The following CSMD1 variants were observed in gnomAD, a reference collection of about 807,000 sequenced individuals.
CSMD1 encodes the protein CUB and sushi domain-containing protein 1.
A neutral mutation model predicts 417.5 loss-of-function variants in CSMD1; 213 were observed. The ratio of observed to expected loss-of-function variants is 0.51; its 90% CI spans 0.46 to 0.57. The LOEUF (loss-of-function observed/expected upper bound fraction) is 0.57, where lower values mean the gene tolerates loss of function less well. CSMD1 is among the 20% of genes least tolerant of loss of function. The pLI is 0.00. For missense variants in CSMD1, 6,923 were observed against 4,529.7 expected (o/e 1.53, Z -15.17); for synonymous variants, 2,862 against 1,736.8 (o/e 1.65, Z -16.11).
intron 3 of CSMD1, among the ~76,000 whole-genome samples, chr8:4,271,262 A>T (rs750358750): frequency 6.6e-6 from 1 of 152,192 alleles, no homozygotes; most frequent in Non-Finnish European, 1.5e-5. Context: ...CAGGACCATG[A>T]AGCTGTAGGG....
chr8:3,456,645 C>A (rs1816161857), intron 12 of CSMD1, among the ~76,000 whole-genome samples: 1 of 152,138 alleles, frequency 6.6e-6, no homozygotes, highest in African/African-American at 2.4e-5. Flanking sequence ...GGACGTGTTT[C>A]AGTATCAGAG....
chr8:3,385,900 CAT>C (rs1810975222), intron 18 of CSMD1, among the ~76,000 whole-genome samples: 1 of 151,510 alleles, frequency 6.6e-6, no homozygotes, highest in Non-Finnish European at 1.5e-5. Context: ...TGCAGATTCA[CAT>C]ATGAGAGGAA....
chr8:3,565,301 C>T (rs1799657432), intron 10 of CSMD1, among the ~76,000 whole-genome samples: 1 of 151,338 alleles, frequency 6.6e-6, no homozygotes. Context: ...TCCTCCTTTC[C>T]CCAGTGGCAT....
intron 20 of CSMD1, among the ~76,000 whole-genome samples, chr8:3,364,353 A>G (rs1809408982): frequency 1.3e-5 from 2 of 152,138 alleles, no homozygotes; most frequent in African/African-American, 2.4e-5. Flanking sequence ...GTCTAGATGA[A>G]ATTTATTTCT....
intron 4 of CSMD1, among the ~76,000 whole-genome samples, chr8:4,021,454 G>T (rs976179408): frequency 6.6e-6 from 1 of 152,100 alleles, no homozygotes; most frequent in Non-Finnish European, 1.5e-5. Flanking sequence ...CTAAGGACCT[G>T]GCTTTTGTTG....
intron 2 of CSMD1, among the ~76,000 whole-genome samples, chr8:4,613,398 G>C: frequency 6.6e-6 from 1 of 152,136 alleles, no homozygotes; most frequent in Non-Finnish European, 1.5e-5. Flanking sequence ...AGAAATTAGA[G>C]CTTAGGCAAG....
intron 3 of CSMD1, among the ~76,000 whole-genome samples, chr8:4,197,128 CCAGA>C (rs1200333692): frequency 1.3e-5 from 2 of 152,076 alleles, no homozygotes; most frequent in African/African-American, 2.4e-5. Context: ...CAAGCAGTTC[CCAGA>C]CAAACTACAA....
intron 5 of CSMD1, among the ~76,000 whole-genome samples, chr8:3,981,877 GAA>G (rs1012818285): frequency 3.3e-5 from 5 of 152,082 alleles, no homozygotes; most frequent in African/African-American, 1.2e-4. Flanking sequence ...CTTTATCTGT[GAA>G]GTTTCCTGTC....
chr8:3,497,687 A>T (rs1180366852), intron 10 of CSMD1, among the ~76,000 whole-genome samples: 1 of 152,180 alleles, frequency 6.6e-6, no homozygotes, highest in Non-Finnish European at 1.5e-5. Context: ...CTATGCCTTT[A>T]CAGGTGCAGT....
intron 1 of CSMD1, among the ~76,000 whole-genome samples, chr8:4,950,935 C>G (rs186094901): frequency 1.3e-5 from 2 of 151,562 alleles, no homozygotes; most frequent in Non-Finnish European, 2.9e-5. Flanking sequence ...AAATAACTGA[C>G]CAATTACAAA....
At chr8:4,938,408 C>T (rs1807765164) in intron 1 of CSMD1, among the ~76,000 whole-genome samples, 1 of 152,320 alleles carries the variant, frequency 6.6e-6, no homozygotes, top group South Asian at 2.1e-4. Context: ...TCCATGCCCA[C>T]TTCTCATCAA....
intron 3 of CSMD1, among the ~76,000 whole-genome samples, chr8:4,047,035 A>T (rs1798183840): frequency 6.6e-6 from 1 of 152,146 alleles, no homozygotes; most frequent in African/African-American, 2.4e-5. Context: ...ACATAGAGGG[A>T]ACACCTGGAG....
At chr8:3,366,686 T>C (rs1809588123) in intron 20 of CSMD1, among the ~76,000 whole-genome samples, 1 of 152,182 alleles carries the variant, frequency 6.6e-6, no homozygotes, top group South Asian at 2.1e-4. Flanking sequence ...ACCCAGAGGA[T>C]GCCTCCCAAT....
intron 5 of CSMD1, among the ~76,000 whole-genome samples, chr8:3,881,400 C>G (rs1806193804): frequency 6.6e-6 from 1 of 151,180 alleles, no homozygotes; most frequent in African/African-American, 2.4e-5. Flanking sequence ...CTTTGGGAGG[C>G]CGAGGCAGGC....
intron 8 of CSMD1, among the ~76,000 whole-genome samples, chr8:3,593,409 C>G (rs931130702): frequency 6.6e-6 from 1 of 152,180 alleles, no homozygotes; most frequent in Non-Finnish European, 1.5e-5. Context: ...CCCCCAGGTC[C>G]ACCTGCCTCC....
At chr8:3,571,531 T>A (rs961685736) in intron 10 of CSMD1, among the ~76,000 whole-genome samples, 2 of 152,000 alleles carry the variant, frequency 1.3e-5, no homozygotes, top group Admixed American at 6.6e-5. Context: ...CTGCCTCGAG[T>A]TTGACTCTCA....
In CSMD1 at chr8:3,960,189, A is replaced by T. The variant is rs191819849; in HGVS notation, c.818+37714T>A. On this transcript the variant is annotated intron_variant, in intron 5 of 69. Transcript: ENST00000635120. ...TCTTGTATGTTGCCTTTACTTGTGA[A>T]TTTTTCTTTCAATCATGGAATCTAT... 3.3e-3 allele frequency among the ~76,000 whole-genome samples: 508 copies of T among 152,216 alleles called. 1 individual carries two copies. The highest frequency in any genetic ancestry group is 0.011 in the African/African-American group (457 of 41,538).
intron 2 of CSMD1, among the ~76,000 whole-genome samples, chr8:4,463,846 T>C (rs189797002): frequency 6.6e-6 from 1 of 152,248 alleles, no homozygotes; most frequent in East Asian, 1.9e-4. Flanking sequence ...CCCAGGAATA[T>C]ATTAAAAAGC....
At chr8:4,823,133 G>T (rs1276982713) in intron 1 of CSMD1, among the ~76,000 whole-genome samples, 2 of 151,972 alleles carry the variant, frequency 1.3e-5, no homozygotes, top group Non-Finnish European at 2.9e-5. Context: ...TGAAGCTACT[G>T]GATGCTTTAT....
Sources: gnomAD v4.1 joint callset for allele counts (sites outside exome capture counted in the v4.1 genomes callset) on GRCh38, gnomAD v4.1.1 for gene constraint, MANE v1.5 for transcripts, NCBI Gene and HGNC (gene_info 2026-07-23, HGNC 2026-07-21) for gene names.